The following GYS1 variants were observed in gnomAD, a reference collection of about 807,000 sequenced individuals.
GYS1 encodes glycogen synthase 1, also known as glycogen [starch] synthase, muscle.
Under a neutral mutation model 89.1 loss-of-function variants are expected in GYS1, and 60 were observed. That is an observed-to-expected ratio of 0.67 (90% CI 0.55 to 0.84). GYS1 has a LOEUF of 0.84. GYS1 is among the 40% of genes least tolerant of loss of function. The pLI, the probability that GYS1 is intolerant of heterozygous loss-of-function variation, is 0.00. For missense variants in GYS1, 888 were observed against 1,003.1 expected (o/e 0.89, Z 1.55); for synonymous variants, 366 against 401.7 (o/e 0.91, Z 1.06).
chr19:48,969,379 C>A lies in GYS1; in HGVS notation c.2123G>T (p.Arg708Leu). The A allele has an allele frequency of 6.4e-7, 1 of 1,570,964 alleles. No individual in the cohort carries two copies. The highest frequency in any genetic ancestry group is 8.6e-7 in the Non-Finnish European group (1 of 1,163,130). ...SCTSSTSGSK[R>L]NSVDTATSSS... Reference sequence around the variant, plus strand: ...GGAGGTGGCCGTGTCCACAGAGTTGCGCTTGCTGCCGCTGGTGGAGGAGGT... The same window carrying A: ...GGAGGTGGCCGTGTCCACAGAGTTGAGCTTGCTGCCGCTGGTGGAGGAGGT... Residue 708 changes from arginine to leucine, a missense_variant, in exon 16 of 16, where the codon CGC (arginine) becomes CTC (leucine). Physicochemically the swap from Arg to Leu is moderately radical, Grantham distance 102. Coordinates refer to ENST00000323798, the MANE Select transcript of GYS1 (RefSeq NM_002103.5).
At chr19:48,974,137 CCAG>C in intron 12 of GYS1, 73 bp downstream of exon 12, 1 of 1,465,718 alleles carries the variant, frequency 6.8e-7, no homozygotes, top group Non-Finnish European at 9.3e-7. Context: ...TCAGAGAAGG[CCAG>C]TGCCTCGCCC....
chr19:48,970,149 G>A (rs2038535731), intron 14 of GYS1: 2 of 498,772 alleles, frequency 4.0e-6, no homozygotes, highest in Admixed American at 6.7e-5. Flanking sequence ...TTTAAACACG[G>A]TCTTGTTCTG....
At chr19:48,974,397 C>T in intron 11 of GYS1, 58 bp from the exon 12 acceptor site, 1 of 1,580,670 alleles carries the variant, frequency 6.3e-7, no homozygotes, top group Non-Finnish European at 8.7e-7. Context: ...GCCCTGAGAT[C>T]CCAAGGTGGC....
intron 8 of GYS1, among the ~76,000 whole-genome samples, chr19:48,978,484 C>G (rs2038696472): frequency 6.6e-6 from 1 of 151,640 alleles, no homozygotes; most frequent in Non-Finnish European, 1.5e-5. Flanking sequence ...CTCGGCCTCC[C>G]AAAGTACTGG....
Position 48,987,236 on chromosome 19 carries a change from G to A in GYS1, c.450C>T (p.Asp150=), listed in dbSNP as rs1367044916. The A allele has an allele frequency of 3.7e-6, 6 of 1,613,378 alleles. No individual in the cohort carries two copies. Among genetic ancestry groups the A allele is most frequent in the Non-Finnish European group, 4.2e-6 (5 of 1,179,652 alleles). The change falls in exon 3 of 16, where the codon GAC becomes GAT. Residue 150 remains aspartate (D), a synonymous_variant. Transcript: ENST00000323798. ...GVPWYDREAN[D]AVLFGFLTTW... ...TGGTCAGAAAGCCAAAGAGGACAGCGTCGTTGGCCTCGCGGTCGTACCACG... is the reference window on the plus strand; with the variant it reads ...TGGTCAGAAAGCCAAAGAGGACAGCATCGTTGGCCTCGCGGTCGTACCACG...
At chr19:48,977,784 A>C (rs1047354274) in intron 10 of GYS1, 140 bp downstream of exon 10, 36 of 721,606 alleles carry the variant, frequency 5.0e-5, no homozygotes, top group Non-Finnish European at 8.5e-5. Context: ...CCTTCTGTGG[A>C]CCTCAGAATA....
At chr19:48,980,983 ACACC>A (rs1362319629) in intron 8 of GYS1, among the ~76,000 whole-genome samples, 31 of 151,890 alleles carry the variant, frequency 2.0e-4, no homozygotes, top group African/African-American at 6.5e-4. Flanking sequence ...GTGTGGTGGC[ACACC>A]CCTGTAGTCC....
At position 48,985,915 on chromosome 19, in the gene GYS1, G is replaced by A; in HGVS notation, c.613C>T (p.His205Tyr). Residue 205 changes from histidine to tyrosine, a missense_variant, in exon 4 of 16, where the codon CAT becomes TAT. By Grantham distance (83) the His-to-Tyr change is moderately conservative. Transcript: ENST00000323798. ...AGGTAGCGCCCCAGCAGCGTGGCAT[G>A]GGTGGTGAAGATGGTTGCTACAGGC... ...RLPVATIFTT[H>Y]ATLLGRYLCA... 6.2e-7 allele frequency: 1 copy of A among 1,614,168 alleles called. No homozygotes were observed. Among genetic ancestry groups the A allele is most frequent in the Non-Finnish European group, 8.5e-7 (1 of 1,180,034 alleles).
chr19:48,979,336 CTTTTTTTTT>C (rs777178030), intron 8 of GYS1, among the ~76,000 whole-genome samples: 3 of 92,772 alleles, frequency 3.2e-5, no homozygotes, highest in African/African-American at 7.6e-5. Flanking sequence ...TTTTTCTTTT[CTTTTTTTTT>C]TTTTTTTTTT....
In GYS1 at chr19:48,968,919, T is replaced by G; in HGVS notation, c.*369A>C. 2.0e-6 allele frequency: 1 copy of G among 497,240 alleles called. No individual in the cohort carries two copies. The allele number at this position is 497,240 out of a possible 1,614,324, so 30.8% of individuals were successfully genotyped here. A position where few individuals can be genotyped will look rare whatever the true frequency, so the allele number is the denominator to read the frequency against. On this transcript the variant is annotated 3_prime_UTR_variant, in exon 16 of 16. Transcript: ENST00000323798. ...TGGCCTGCTCTGTATGCTGTAGAAT[T>G]TGTAAGCCACACGGGGGGCTCTAAA...
rs1285497038 is a variant in GYS1, at chr19:48,968,354, A to T, written c.*934T>A. ...AACCCAGTGACCTCAGTTCTGGATC[A>T]TGGGAAAGGGATCAGTATGCAGTAA... On this transcript the variant is annotated 3_prime_UTR_variant, in exon 16 of 16. Coordinates refer to ENST00000323798, the MANE Select transcript of GYS1 (RefSeq NM_002103.5). 2.2e-6 allele frequency: 1 copy of T among 454,492 alleles called. No individual in the cohort carries two copies. The highest frequency in any genetic ancestry group is 2.3e-5 in the Admixed American group (1 of 42,568). The allele number at this position is 454,492 out of a possible 1,614,324, so 28.2% of individuals were successfully genotyped here.
At chr19:48,985,661 G>T in intron 4 of GYS1, 56 bp from the exon 5 acceptor site, 1 of 1,596,684 alleles carries the variant, frequency 6.3e-7, no homozygotes, top group Non-Finnish European at 8.6e-7. Flanking sequence ...GACTCTGGAG[G>T]TCCAGACACT....
chr19:48,978,047 AG>A, intron 9 of GYS1, 45 bp from the exon 10 acceptor site: 11 of 1,608,280 alleles, frequency 6.8e-6, no homozygotes, highest in Non-Finnish European at 9.4e-6. Flanking sequence ...GAGTAATGAG[AG>A]GGGTTAGTCA....
chr19:48,990,003 G>GGC lies in GYS1; in HGVS notation c.300+1298_300+1299insGC, dbSNP rs796205047. On this transcript the variant is annotated intron_variant, in intron 2 of 15. Coordinates refer to ENST00000323798, the MANE Select transcript of GYS1 (RefSeq NM_002103.5). ...GCTGTTGTCTGCCCTTTTGCTGGGGGGGGGGGGGGGCTATTCTTAGGCCCC... is the reference window on the plus strand; with the variant it reads ...GCTGTTGTCTGCCCTTTTGCTGGGGGGCGGGGGGGGGGCTATTCTTAGGCCCC... Among the ~76,000 whole-genome samples, 12 of 147,838 alleles carry GGC rather than the reference G, an allele frequency of 8.1e-5. 1 individual carries two copies. Among genetic ancestry groups the GGC allele is most frequent in the African/African-American group, 2.1e-4 (8 of 38,624 alleles).
rs1297501778 is a variant in GYS1, at chr19:48,991,197, C to G, written c.300+105G>C. 9 of 1,249,836 alleles carry G rather than the reference C, an allele frequency of 7.2e-6. No homozygotes were observed. In the Admixed American group the frequency reaches 1.4e-4, roughly 19 times the overall value. 77.4% of individuals were successfully genotyped at this position (1,249,836 alleles called of 1,614,324 possible). On this transcript the variant is annotated intron_variant, in intron 2 of 15. Coordinates refer to ENST00000323798, the MANE Select transcript of GYS1 (RefSeq NM_002103.5). This position sits in a 1 kb window ranked among gnomAD's most constrained non-coding sequence, Gnocchi z 4.7. ...CTCCTTCCTGTGTCCAAGCCTGCCT[C>G]GCTCTCTGGCTGGGGCTGTCCACCC...
At position 48,969,428 on chromosome 19, in the gene GYS1, C is replaced by G; in HGVS notation, c.2074G>C (p.Glu692Gln). The change falls in exon 16 of 16, where the codon GAG becomes CAG. Residue 692 changes from glutamate to glutamine, a missense_variant. Physicochemically the swap from Glu to Gln is conservative, Grantham distance 29 (BLOSUM62 2). Transcript: ENST00000323798. ...GTGCAGGACGCTCGGCGCGGCCACT[C>G]TGGTGCACGGATGTTGCGCCGGTCC... ...AKDRRNIRAP[E>Q]WPRRASCTSS... The G allele has an allele frequency of 6.5e-7, 1 of 1,546,418 alleles. No homozygotes were observed. Among genetic ancestry groups the G allele is most frequent in the Non-Finnish European group, 8.7e-7 (1 of 1,148,234 alleles).
At chr19:48,983,687 T>A (rs2038799053) in intron 5 of GYS1, among the ~76,000 whole-genome samples, 2 of 152,178 alleles carry the variant, frequency 1.3e-5, no homozygotes, top group Non-Finnish European at 2.9e-5. Context: ...TCTCACCTTA[T>A]ACTCACTGAG....
At chr19:48,974,522 C>A (rs1003526350) in intron 11 of GYS1, 98 bp downstream of exon 11, 14 of 1,044,626 alleles carry the variant, frequency 1.3e-5, no homozygotes, top group Admixed American at 1.9e-5. Flanking sequence ...CACAGCAATA[C>A]CTTTGATAAA....
chr19:48,987,401 G>T lies in GYS1; in HGVS notation c.301-16C>A. ...CGAAATACACCTGGGATGGGGTTGG[G>T]GAGGCACCATAGGGAGGCTCTGGGC... On this transcript the variant is annotated splice_polypyrimidine_tract_variant and intron_variant, in intron 2 of 15. Coordinates refer to ENST00000323798, the MANE Select transcript of GYS1 (RefSeq NM_002103.5). 1 of 1,572,790 alleles carries T rather than the reference G, an allele frequency of 6.4e-7. No homozygotes were observed. Among genetic ancestry groups the T allele is most frequent in the Non-Finnish European group, 8.6e-7 (1 of 1,157,670 alleles).
Sources: gnomAD v4.1 joint callset for allele counts (sites outside exome capture counted in the v4.1 genomes callset) on GRCh38, gnomAD v4.1.1 for gene constraint, Gnocchi (gnomAD v3.1) non-coding constraint, MANE v1.5 for transcripts, NCBI Gene and HGNC (gene_info 2026-07-23, HGNC 2026-07-21) for gene names.